The following KYNU variants were observed in gnomAD, a reference collection of about 807,000 sequenced individuals.
KYNU encodes the protein L-kynurenine hydrolase.
Under a neutral mutation model 59.2 loss-of-function variants are expected in KYNU, and 54 were observed. The observed-to-expected ratio is 0.91, with a 90% confidence interval of 0.73 to 1.14. The LOEUF is 1.14. Ranked by LOEUF, KYNU falls within the 50% of genes most tolerant of loss-of-function variation. The probability of loss-of-function intolerance (pLI) is 0.00; values close to 1 mark genes in which losing one functional copy is unlikely to be tolerated. For synonymous variants in KYNU, 177 were observed against 192.0 expected, an observed-to-expected ratio of 0.92 and a Z score of 0.65; for missense variants, 567 against 554.4, an observed-to-expected ratio of 1.02 and a Z score of -0.23.
rs1685304823 is a variant in KYNU, at chr2:142,988,825, T to C, written c.902+2804T>C. On this transcript the variant is annotated intron_variant, in intron 10 of 13. Transcript: ENST00000264170. ...TCTATTCTGTACCAAGTATCTTATA[T>C]TGTACTTCATTTGCATTAGGAGATC... 3.2e-6 allele frequency: 5 copies of C among 1,561,360 alleles called. No homozygotes were observed. The South Asian group carries it at 3.3e-5, about 10-fold the overall frequency.
At chr2:142,984,564 A>G (rs1037331026) in intron 8 of KYNU, among the ~76,000 whole-genome samples, 2 of 152,098 alleles carry the variant, frequency 1.3e-5, no homozygotes, top group African/African-American at 2.4e-5. Context: ...TTGCATAAAT[A>G]CATTGCTTTA....
At chr2:143,004,716 G>T (rs1016354256) in intron 10 of KYNU, among the ~76,000 whole-genome samples, 1 of 151,954 alleles carries the variant, frequency 6.6e-6, no homozygotes, top group African/African-American at 2.4e-5. Context: ...TAAAAATAAA[G>T]GCAATATTCA....
chr2:143,036,216 T>C (rs974596840), intron 12 of KYNU, among the ~76,000 whole-genome samples: 1 of 151,954 alleles, frequency 6.6e-6, no homozygotes, highest in East Asian at 1.9e-4. Context: ...TTTAATTTAT[T>C]TAGTAAGGCC....
chr2:142,981,675 A>G (rs1437368862), intron 8 of KYNU, among the ~76,000 whole-genome samples: 1 of 152,096 alleles, frequency 6.6e-6, no homozygotes, highest in African/African-American at 2.4e-5. Flanking sequence ...CAAAGAATAA[A>G]TTAATCTCCC....
rs1687165126 is a variant in KYNU at position 143,046,380 on chromosome 2, G to T, written c.*4208G>T. 6.6e-6 allele frequency: 1 copy of T among 151,970 alleles called. No individual in the cohort carries two copies. Among genetic ancestry groups the T allele is most frequent in the African/African-American group, 2.4e-5 (1 of 41,376 alleles). The allele number at this position is 151,970 out of a possible 1,614,324, so 9.4% of individuals were successfully genotyped here. On this transcript the variant is annotated 3_prime_UTR_variant, in exon 14 of 14. Coordinates refer to ENST00000264170, the MANE Select transcript of KYNU (RefSeq NM_003937.3). ...TTCATTTTCACTGCTGCTCAGTATT[G>T]TATTACAAATTTTACATTTGTTTTA...
At chr2:143,022,846 T>C (rs1686447634) in intron 10 of KYNU, among the ~76,000 whole-genome samples, 2 of 152,016 alleles carry the variant, frequency 1.3e-5, no homozygotes, top group African/African-American at 4.8e-5. Flanking sequence ...CTTCTGCATA[T>C]GTTTTTCTTT....
intron 4 of KYNU, chr2:142,947,007 A>G (rs1683808442): frequency 6.6e-7 from 1 of 1,526,530 alleles, no homozygotes; most frequent in Non-Finnish European, 8.8e-7. Flanking sequence ...GTTTATTAGT[A>G]ATTTCATGGT....
At chr2:142,920,391 C>CT (rs1199361484) in intron 3 of KYNU, among the ~76,000 whole-genome samples, 1 of 152,124 alleles carries the variant, frequency 6.6e-6, no homozygotes, top group Non-Finnish European at 1.5e-5. Flanking sequence ...TGAATTTGAA[C>CT]TTTATAGAGT....
At chr2:142,956,931 C>G (rs1362175506) in intron 6 of KYNU, among the ~76,000 whole-genome samples, 1 of 151,892 alleles carries the variant, frequency 6.6e-6, no homozygotes, top group Non-Finnish European at 1.5e-5. Flanking sequence ...ACACTTGAGC[C>G]CAGGAGTCTG....
intron 10 of KYNU, among the ~76,000 whole-genome samples, chr2:143,015,579 G>A (rs985902583): frequency 6.6e-6 from 1 of 152,158 alleles, no homozygotes; most frequent in Admixed American, 6.5e-5. Flanking sequence ...TTAAATGCTA[G>A]ATGTAAGCTT....
chr2:143,032,960 G>A (rs1686800430), intron 11 of KYNU, among the ~76,000 whole-genome samples: 1 of 152,126 alleles, frequency 6.6e-6, no homozygotes, highest in Non-Finnish European at 1.5e-5. Context: ...GGCAGAGAAT[G>A]AGATCCAGAA....
intron 2 of KYNU, among the ~76,000 whole-genome samples, chr2:142,887,028 G>A (rs941531577): frequency 2.6e-5 from 4 of 152,094 alleles, no homozygotes; most frequent in Admixed American, 6.6e-5. Flanking sequence ...AAATTAGCCG[G>A]GCGTAGTGGC....
In KYNU at chr2:142,988,010, T is replaced by A. The variant is rs1685270776; in HGVS notation, c.902+1989T>A. Among the ~76,000 whole-genome samples, 8 of 152,084 alleles carry A rather than the reference T, an allele frequency of 5.3e-5. No homozygotes were observed. The South Asian group carries it at 1.7e-3, about 32-fold the overall frequency. The stretch of plus-strand genomic sequence containing the variant: ...TTTCCTGAGGCCTTCCCAGTCATGC[T>A]TCCTGCACAGCCTGCAAAACCATGA... On this transcript the variant is annotated intron_variant, in intron 10 of 13. Transcript: ENST00000264170.
At chr2:142,907,248 C>T (rs1339473660) in intron 2 of KYNU, among the ~76,000 whole-genome samples, 1 of 152,198 alleles carries the variant, frequency 6.6e-6, no homozygotes, top group Non-Finnish European at 1.5e-5. Context: ...CTTGGCCTCA[C>T]AGATTCCAAG....
At chr2:143,024,686 T>C (rs1686501559) in intron 10 of KYNU, among the ~76,000 whole-genome samples, 1 of 152,088 alleles carries the variant, frequency 6.6e-6, no homozygotes. Flanking sequence ...ATCCTTAAAA[T>C]CCAATAATTT....
intron 4 of KYNU, chr2:142,947,937 A>G (rs927026175): frequency 1.3e-5 from 2 of 152,222 alleles, no homozygotes; most frequent in African/African-American, 4.8e-5. Context: ...AGTTTCTTGT[A>G]TCATTGGGTC....
intron 10 of KYNU, among the ~76,000 whole-genome samples, chr2:143,012,508 AAG>A (rs1281428178): frequency 6.6e-6 from 1 of 151,776 alleles, no homozygotes; most frequent in African/African-American, 2.4e-5. Flanking sequence ...AAAAAAAAGA[AAG>A]AAAGAAAAAG....
At chr2:142,978,785 ATATCT>A (rs1487298340) in intron 8 of KYNU, among the ~76,000 whole-genome samples, 3 of 152,166 alleles carry the variant, frequency 2.0e-5, no homozygotes, top group Admixed American at 6.6e-5. Flanking sequence ...ATAGTGACAA[ATATCT>A]TATCTTGTAT....
chr2:143,013,294 T>TTCTC (rs773447110), intron 10 of KYNU, among the ~76,000 whole-genome samples: 1 of 133,250 alleles, frequency 7.5e-6, no homozygotes, highest in African/African-American at 2.8e-5. Flanking sequence ...CTCTGTCTCT[T>TTCTC]TCTCTGTGTG....
Sources: gnomAD v4.1 joint callset for allele counts (sites outside exome capture counted in the v4.1 genomes callset) on GRCh38, gnomAD v4.1.1 for gene constraint, MANE v1.5 for transcripts, NCBI Gene and HGNC (gene_info 2026-07-23, HGNC 2026-07-21) for gene names.